ASCC2: variants seen among roughly 807,000 people sequenced by gnomAD.
ASCC2 encodes the protein ASC-1 complex subunit P100.
Under a neutral mutation model 93.5 loss-of-function variants are expected in ASCC2, and 42 were observed. That is an observed-to-expected ratio of 0.45 (90% CI 0.35 to 0.58). The LOEUF is 0.58. Ranked by LOEUF, ASCC2 falls within the 20% of genes least tolerant of loss-of-function variation. The pLI is 0.00. For synonymous variants in ASCC2, 364 were observed against 384.2 expected, an observed-to-expected ratio of 0.95 and a Z score of 0.62; for missense variants, 859 against 977.6, an observed-to-expected ratio of 0.88 and a Z score of 1.62.
rs765985833 is a variant in ASCC2, at chr22:29,806,503, G to T, written c.1067C>A (p.Ser356Tyr). 1 of 1,614,032 alleles carries T rather than the reference G, an allele frequency of 6.2e-7. No individual in the cohort carries two copies. The highest frequency in any genetic ancestry group is 1.1e-5 in the South Asian group (1 of 91,028). ...CACTCACCTCTTCTCCTGCAGCAAG[G>T]AGCTGAAGATCTGAAGGAACTCTTC... ...FIEEFLQIFS[S>Y]LLQEKRFLRD... The change falls in exon 11 of 20, where the codon TCC becomes TAC. Residue 356 changes from serine to tyrosine, a missense_variant. Transcript: ENST00000307790.
At chr22:29,791,941 T>C (rs543818478) in intron 18 of ASCC2, among the ~76,000 whole-genome samples, 1 of 152,318 alleles carries the variant, frequency 6.6e-6, no homozygotes, top group Middle Eastern at 3.4e-3. Flanking sequence ...TGGGGCATGA[T>C]CCCAGGTTGC....
intron 8 of ASCC2, among the ~76,000 whole-genome samples, chr22:29,811,665 CAA>C (rs2060294090): frequency 6.6e-6 from 1 of 152,166 alleles, no homozygotes; most frequent in Non-Finnish European, 1.5e-5. Context: ...TGCCTTTAGT[CAA>C]AAGTGTTTCC....
Position 29,817,711 on chromosome 22 carries a change from T to C in ASCC2, c.542-1638A>G, listed in dbSNP as rs552803032. On this transcript the variant is annotated intron_variant, in intron 5 of 19. Coordinates refer to ENST00000307790, the MANE Select transcript of ASCC2 (RefSeq NM_032204.5). ...TTTACATGCATCAGTATAGATCAAA[T>C]TTCATACTCTATTCTTGGGGTCTTC... Among the ~76,000 whole-genome samples, 3 of 152,298 alleles carry C rather than the reference T, an allele frequency of 2.0e-5. No homozygotes were observed. In the South Asian group the frequency reaches 6.2e-4, roughly 32 times the overall value.
intron 2 of ASCC2, chr22:29,827,492 G>T: frequency 2.2e-6 from 1 of 451,816 alleles, no homozygotes; most frequent in Non-Finnish European, 4.6e-6. Context: ...TTTCCAAACT[G>T]TAGAGCCTGT....
At chr22:29,791,363 C>T (rs1271051029) in intron 18 of ASCC2, among the ~76,000 whole-genome samples, 3 of 151,736 alleles carry the variant, frequency 2.0e-5, no homozygotes, top group Non-Finnish European at 2.9e-5. Flanking sequence ...GGCGACAAAG[C>T]GAGACTCTGT....
At position 29,804,649 on chromosome 22, in the gene ASCC2, C is replaced by T. The variant is rs1601919328; in HGVS notation, c.1342G>A (p.Glu448Lys). The T allele has an allele frequency of 6.2e-7, 1 of 1,614,032 alleles. No homozygotes were observed. Among genetic ancestry groups the T allele is most frequent in the South Asian group, 1.1e-5 (1 of 91,080 alleles). Residue 448 changes from glutamate (E) to lysine (K), a missense_variant, in exon 13 of 20, where the codon GAG (glutamate) becomes AAG (lysine). Glu to Lys is a moderately conservative substitution (Grantham distance 56, BLOSUM62 1). Transcript: ENST00000307790. ...SQASSHPENS[E>K]EEECMGAAAA... Reference sequence around the variant, plus strand: ...ACTCAGACACATACCTCCTCTTCCTCCGAGTTCTCCGGATGTGATGATGCT... The same window carrying T: ...ACTCAGACACATACCTCCTCTTCCTTCGAGTTCTCCGGATGTGATGATGCT...
rs757014533 is a variant in ASCC2, at chr22:29,806,858, G to C, written c.955C>G (p.Leu319Val). Residue 319 changes from leucine (L) to valine (V), a missense_variant, in exon 10 of 20, where the codon CTA (leucine) becomes GTA (valine). Physicochemically the swap from Leu to Val is conservative, Grantham distance 32 (BLOSUM62 1). Coordinates refer to ENST00000307790, the MANE Select transcript of ASCC2 (RefSeq NM_032204.5). Reference protein sequence around the residue: ...WQRLSHSRKKLMEIFHIILNQ... With the variant: ...WQRLSHSRKKVMEIFHIILNQ... ...AGGATGATGTGGAAAATCTCCATTA[G>C]CTTCTTCCTGGAATGGGAGAGCCTC... is the stretch of plus-strand genomic sequence containing the variant. 6.2e-7 allele frequency: 1 copy of C among 1,614,048 alleles called. No homozygotes were observed. Among genetic ancestry groups the C allele is most frequent in the Admixed American group, 1.7e-5 (1 of 59,996 alleles).
chr22:29,793,328 G>T, intron 17 of ASCC2, 32 bp downstream of exon 17: 1 of 1,610,898 alleles, frequency 6.2e-7, no homozygotes. Context: ...GAGCTGCTCT[G>T]CCCTGGAACG....
chr22:29,790,700 G>A (rs2057618406), intron 18 of ASCC2, 152 bp from the exon 19 acceptor site: 3 of 786,238 alleles, frequency 3.8e-6, no homozygotes, highest in East Asian at 5.3e-5. Flanking sequence ...CAGGAATGGA[G>A]TGGGATTACT....
chr22:29,801,100 G>C lies in ASCC2; in HGVS notation c.1579C>G (p.Pro527Ala). The change falls in exon 15 of 20, where the codon CCA (proline) becomes GCA (alanine). Residue 527 changes from proline to alanine, a missense_variant. Transcript: ENST00000307790. Reference protein sequence around the residue: ...LDRNLDREMKPDPTPLLTSRH... With the variant: ...LDRNLDREMKADPTPLLTSRH... ...GACGTCAGCAGGGGTGTAGGGTCTG[G>C]TTTCATTTCTCTGGGTGGGGGACAC... 2.5e-6 allele frequency: 4 copies of C among 1,599,458 alleles called. No individual in the cohort carries two copies. Among genetic ancestry groups the C allele is most frequent in the Non-Finnish European group, 2.6e-6 (3 of 1,168,170 alleles).
chr22:29,799,961 T>C (rs1297046705), intron 15 of ASCC2, among the ~76,000 whole-genome samples: 1 of 152,216 alleles, frequency 6.6e-6, no homozygotes, highest in Non-Finnish European at 1.5e-5. Flanking sequence ...CTAATTTTTG[T>C]ATTTTTTGTA....
chr22:29,821,992 T>C (rs1473305271), intron 5 of ASCC2: 7 of 444,092 alleles, frequency 1.6e-5, no homozygotes, highest in African/African-American at 1.4e-4. Flanking sequence ...GAGCAAGGCT[T>C]TGTCTTTTTT....
Position 29,804,630 on chromosome 22 carries a change from A to T in ASCC2, c.1353+8T>A. On this transcript the variant is annotated splice_region_variant and intron_variant, in intron 13 of 19. Transcript: ENST00000307790. Reference sequence around the variant, plus strand: ...GCGAAGAGGGAAAAGCGCCACTCAGACACATACCTCCTCTTCCTCCGAGTT... The same window carrying T: ...GCGAAGAGGGAAAAGCGCCACTCAGTCACATACCTCCTCTTCCTCCGAGTT... 1 of 1,613,150 alleles carries T rather than the reference A, an allele frequency of 6.2e-7. No individual in the cohort carries two copies. Among genetic ancestry groups the T allele is most frequent in the Non-Finnish European group, 8.5e-7 (1 of 1,179,296 alleles).
At chr22:29,792,657 A>G in intron 17 of ASCC2, 122 bp from the exon 18 acceptor site, 1 of 1,352,090 alleles carries the variant, frequency 7.4e-7, no homozygotes, top group Non-Finnish European at 1.0e-6. Flanking sequence ...GTTGGGAAAA[A>G]CCAAAAGCCT....
At chr22:29,837,118 T>C (rs1017018831) in intron 1 of ASCC2, among the ~76,000 whole-genome samples, 3 of 152,174 alleles carry the variant, frequency 2.0e-5, no homozygotes, top group African/African-American at 7.2e-5. Flanking sequence ...TGAGTTTTTG[T>C]CTAAAGCACG....
intron 1 of ASCC2, among the ~76,000 whole-genome samples, chr22:29,832,970 C>T (rs1326946873): frequency 6.6e-6 from 1 of 152,134 alleles, no homozygotes; most frequent in Admixed American, 6.6e-5. Flanking sequence ...CTACATCACT[C>T]GGGCTGGTCT....
chr22:29,837,457 A>G (rs5752968), intron 1 of ASCC2, among the ~76,000 whole-genome samples: 118,452 of 152,030 alleles, frequency 0.78, 46,679 homozygotes, highest in East Asian at 0.92. Flanking sequence ...AATTAACTGG[A>G]CAATCTGAAC....
At chr22:29,803,215 C>T (rs112383659) in intron 13 of ASCC2, among the ~76,000 whole-genome samples, 1,688 of 149,762 alleles carry the variant, frequency 0.011, 28 homozygotes, top group African/African-American at 0.037. Flanking sequence ...CGCACTATTG[C>T]ACTCCAGCCT....
rs766436916 is a variant in ASCC2, at chr22:29,793,333, G to A, written c.1919+27C>T. On this transcript the variant is annotated intron_variant, in intron 17 of 19. Transcript: ENST00000307790. Reference sequence around the variant, plus strand: ...ATGGGCCTGAGAGCTGCTCTGCCCTGGAACGCCACCCCCACTATGGCCTCA... The same window carrying A: ...ATGGGCCTGAGAGCTGCTCTGCCCTAGAACGCCACCCCCACTATGGCCTCA... The A allele has an allele frequency of 1.9e-6, 3 of 1,611,494 alleles. No homozygotes were observed. In the Admixed American group the frequency reaches 5.0e-5, roughly 27 times the overall value.
Sources: gnomAD v4.1 joint callset for allele counts (sites outside exome capture counted in the v4.1 genomes callset) on GRCh38, gnomAD v4.1.1 for gene constraint, MANE v1.5 for transcripts, NCBI Gene and HGNC (gene_info 2026-07-23, HGNC 2026-07-21) for gene names.